Variants in SMARCA1 observed in about 807,000 individuals in gnomAD.
The protein encoded by SMARCA1 is SNF2 related chromatin remodeling ATPase 1.
In SMARCA1, 17 loss-of-function variants were observed where a neutral mutation model predicts 93.6. The ratio of observed to expected loss-of-function variants is 0.18; its 90% CI spans 0.12 to 0.27. The LOEUF (loss-of-function observed/expected upper bound fraction) is 0.27. Among genes scored for constraint, SMARCA1 ranks in the 10% least tolerant of loss-of-function variants. SMARCA1 has a pLI of 1.00. For synonymous variants in SMARCA1, 271 were observed against 271.4 expected (o/e 1.00, Z 0.01); for missense variants, 630 against 819.0 (o/e 0.77, Z 2.82).
At chrX:129,475,412 G>A (rs1388613648) in intron 19 of SMARCA1, among the ~76,000 whole-genome samples, 6 of 110,490 alleles carry the variant, frequency 5.4e-5, no homozygotes, top group Non-Finnish European at 1.1e-4. Context: ...CCAGCTACTC[G>A]GGAGGCTAAG....
chrX:129,466,211 T>C (rs1307932720), intron 21 of SMARCA1, among the ~76,000 whole-genome samples: 1 of 111,570 alleles, frequency 9.0e-6, no homozygotes, highest in East Asian at 2.8e-4. Flanking sequence ...AGTCTTACGA[T>C]CCATCCCAAA....
At chrX:129,492,897 T>TA (rs1214076533) in intron 13 of SMARCA1, 143 bp downstream of exon 13, 4 of 301,112 alleles carry the variant, frequency 1.3e-5, no homozygotes, top group African/African-American at 2.7e-5. Flanking sequence ...TTTGAAGATT[T>TA]AAAAAAAATG....
At chrX:129,486,570 A>AT (rs1333093961) in intron 17 of SMARCA1, among the ~76,000 whole-genome samples, 2 of 111,489 alleles carry the variant, frequency 1.8e-5, no homozygotes, top group East Asian at 5.6e-4. Flanking sequence ...CATTATTCTA[A>AT]TAACTTTATG....
At position 129,515,978 on chromosome X, in the gene SMARCA1, T is replaced by C; in HGVS notation, c.445A>G (p.Thr149Ala). The change falls in exon 4 of 25, where the codon ACA becomes GCA. Residue 149 changes from threonine to alanine, a missense_variant. Physicochemically the swap from Thr to Ala is moderately conservative, Grantham distance 58 (BLOSUM62 0). Coordinates refer to ENST00000371121, the MANE Select transcript of SMARCA1 (RefSeq NM_001282874.2). ...ISAGDYRHRRTEQEEDEELLS... is the reference protein window; with the variant it reads ...ISAGDYRHRRAEQEEDEELLS... ...AGCTCTTCATCTTCTTCTTGCTCTGTGCGCCTATGGCGGTAGCTGAAATTA... is the reference window on the plus strand; with the variant it reads ...AGCTCTTCATCTTCTTCTTGCTCTGCGCGCCTATGGCGGTAGCTGAAATTA... 2 of 1,203,310 alleles carry C rather than the reference T, an allele frequency of 1.7e-6. No individual in the cohort carries two copies. The highest frequency in any genetic ancestry group is 2.3e-6 in the Non-Finnish European group (2 of 888,229).
chrX:129,504,921 A>G (rs1934756635), intron 8 of SMARCA1, 119 bp from the exon 9 acceptor site: 2 of 474,811 alleles, frequency 4.2e-6, no homozygotes, highest in Admixed American at 3.7e-5. Flanking sequence ...TTTCAAAAAT[A>G]TTATCAGCTG....
intron 19 of SMARCA1, among the ~76,000 whole-genome samples, chrX:129,476,229 A>G (rs1396665171): frequency 8.9e-6 from 1 of 112,174 alleles, no homozygotes; most frequent in African/African-American, 3.2e-5. Context: ...GCCTAAGGTC[A>G]AAGCTTAGAT....
chrX:129,481,264 A>C, intron 17 of SMARCA1, 79 bp from the exon 18 acceptor site: 4 of 601,098 alleles, frequency 6.7e-6, no homozygotes, highest in Non-Finnish European at 8.0e-6. Context: ...TCGAGGCTGC[A>C]GAAACATAAG....
chrX:129,448,131 G>C (rs1248393718), intron 24 of SMARCA1, among the ~76,000 whole-genome samples: 1 of 111,075 alleles, frequency 9.0e-6, no homozygotes, highest in Admixed American at 9.7e-5. Context: ...CTAGTTACTA[G>C]GGAGTTCCTA....
chrX:129,465,562 G>A lies in SMARCA1; in HGVS notation c.2988C>T (p.Pro996=). 8.3e-7 allele frequency: 1 copy of A among 1,205,874 alleles called. No individual in the cohort carries two copies. Among genetic ancestry groups the A allele is most frequent in the Non-Finnish European group, 1.1e-6 (1 of 891,218 alleles). The change falls in exon 23 of 25, where the codon CCC becomes CCT. Residue 996 remains proline, a synonymous_variant. Transcript: ENST00000371121. The part of the protein sequence containing the change: ...EELRQCVRNA[P]QFRFDWFIKS... ...TGATAAACCAGTCAAATCTAAACTGGGGAGCATTTCGTACACACTGTCTTA... is the reference window on the plus strand; with the variant it reads ...TGATAAACCAGTCAAATCTAAACTGAGGAGCATTTCGTACACACTGTCTTA...
chrX:129,493,256 T>C, intron 12 of SMARCA1, among the ~76,000 whole-genome samples, 181 bp from the exon 13 acceptor site: 1 of 111,779 alleles, frequency 8.9e-6, no homozygotes, highest in Admixed American at 9.6e-5. Context: ...TTATTTTTTA[T>C]GGACATTAAA....
intron 7 of SMARCA1, among the ~76,000 whole-genome samples, chrX:129,506,510 A>AC (rs1335114623): frequency 9.2e-6 from 1 of 108,295 alleles, no homozygotes; most frequent in African/African-American, 3.4e-5. Flanking sequence ...ACATGGTGAA[A>AC]CCCCATCTCT....
At chrX:129,486,814 T>TGAG (rs1454630593) in intron 17 of SMARCA1, among the ~76,000 whole-genome samples, 118 of 106,075 alleles carry the variant, frequency 1.1e-3, no homozygotes, top group African/African-American at 3.9e-3. Context: ...CAAAAATTGA[T>TGAG]GATGATGATG....
intron 9 of SMARCA1, among the ~76,000 whole-genome samples, chrX:129,502,089 G>A (rs1388057671): frequency 8.9e-6 from 1 of 111,761 alleles, no homozygotes; most frequent in African/African-American, 3.3e-5. Flanking sequence ...CTTCTGGTGT[G>A]AGCCTCAAAG....
intron 6 of SMARCA1, among the ~76,000 whole-genome samples, chrX:129,508,488 A>C (rs1934904875): frequency 8.9e-6 from 1 of 112,643 alleles, no homozygotes; most frequent in Non-Finnish European, 1.9e-5. Context: ...AGAGTTACCA[A>C]CATGATACAG....
intron 20 of SMARCA1, 94 bp from the exon 21 acceptor site, chrX:129,468,999 CACTTTAAAA>C: frequency 1.9e-6 from 1 of 530,969 alleles, no homozygotes; most frequent in East Asian, 4.0e-5. Flanking sequence ...CATTAAAAAA[CACTTTAAAA>C]GACTTAAAAT....
At chrX:129,467,664 ATC>A (rs1441343729) in intron 21 of SMARCA1, among the ~76,000 whole-genome samples, 2 of 110,235 alleles carry the variant, frequency 1.8e-5, no homozygotes, top group Non-Finnish European at 3.8e-5. Context: ...AGAAAAAAAA[ATC>A]TCTCTAATTA....
At chrX:129,495,623 C>T (rs1207004468) in intron 12 of SMARCA1, among the ~76,000 whole-genome samples, 2 of 111,205 alleles carry the variant, frequency 1.8e-5, no homozygotes, top group Non-Finnish European at 3.8e-5. Context: ...ATCCTCCTGC[C>T]TCAGCCTCCC....
At chrX:129,447,327 A>T in intron 24 of SMARCA1, 94 bp from the exon 25 acceptor site, 1 of 947,236 alleles carries the variant, frequency 1.1e-6, no homozygotes, top group Non-Finnish European at 1.4e-6. Flanking sequence ...ATTAAAAAAA[A>T]ATTTTAACAT....
chrX:129,492,036 T>G lies in SMARCA1; in HGVS notation c.1720A>C (p.Thr574Pro). The change falls in exon 14 of 25, where the codon ACC becomes CCC. Residue 574 changes from threonine (T) to proline (P), a missense_variant. Around this residue, in one of 4 missense-constraint regions of SMARCA1, gnomAD observed 382 missense variants for 537.9 expected, o/e 0.71. Coordinates refer to ENST00000371121, the MANE Select transcript of SMARCA1 (RefSeq NM_001282874.2). ...TTAATTCCGAGACCTCCAGCCCTGG[T>G]ACTTAGCATAAAGATGAATTTGCTA... Reference protein sequence around the residue: ...NSSKFIFMLSTRAGGLGINLA... With the variant: ...NSSKFIFMLSPRAGGLGINLA... The G allele has an allele frequency of 8.4e-7, 1 of 1,186,278 alleles. No individual in the cohort carries two copies. Among genetic ancestry groups the G allele is most frequent in the Non-Finnish European group, 1.1e-6 (1 of 873,109 alleles).
Sources: gnomAD v4.1 joint callset for allele counts (sites outside exome capture counted in the v4.1 genomes callset) on GRCh38, gnomAD v4.1.1 for gene constraint, gnomAD v4.1.1 regional missense constraint, MANE v1.5 for transcripts, NCBI Gene and HGNC (gene_info 2026-07-23, HGNC 2026-07-21) for gene names.